CTNNBL1: variants seen among roughly 807,000 people sequenced by gnomAD.
CTNNBL1 encodes the protein beta-catenin-like protein 1.
Under a neutral mutation model 72.7 loss-of-function variants are expected in CTNNBL1, and 31 were observed. The observed-to-expected ratio is 0.43, with a 90% CI of 0.32 to 0.58. The LOEUF (loss-of-function observed/expected upper bound fraction) is 0.58. CTNNBL1 is among the 20% of genes least tolerant of loss of function. The pLI is 0.08. For missense variants in CTNNBL1, 534 were observed against 725.1 expected, an observed-to-expected ratio of 0.74 and a Z score of 3.03; for synonymous variants, 240 against 267.3, an observed-to-expected ratio of 0.90 and a Z score of 1.00.
chr20:37,798,793 T>C (rs1376797869), intron 10 of CTNNBL1, among the ~76,000 whole-genome samples: 3 of 152,242 alleles, frequency 2.0e-5, no homozygotes, highest in Admixed American at 2.0e-4. Context: ...TTTGAGCGTA[T>C]GCTGAATGGT....
At chr20:37,725,426 A>G (rs796490880) in intron 1 of CTNNBL1, among the ~76,000 whole-genome samples, 1 of 151,578 alleles carries the variant, frequency 6.6e-6, no homozygotes, top group South Asian at 2.1e-4. Flanking sequence ...GCTCCCCAGT[A>G]GCTGGGATTA....
At chr20:37,801,819 G>C (rs2073825855) in intron 10 of CTNNBL1, among the ~76,000 whole-genome samples, 1 of 152,150 alleles carries the variant, frequency 6.6e-6, no homozygotes, top group African/African-American at 2.4e-5. Context: ...TCTCATCACT[G>C]CTATTGGGCA....
Position 37,765,283 on chromosome 20 carries a change from C to A in CTNNBL1, c.651C>A (p.Asn217Lys). Residue 217 changes from asparagine (N) to lysine (K), a missense_variant, in exon 6 of 16, where the codon AAC (asparagine) becomes AAA (lysine). Coordinates refer to ENST00000361383, the MANE Select transcript of CTNNBL1 (RefSeq NM_030877.5). ...SVKEEADGVHNTLAIVENMAE... is the reference protein window; with the variant it reads ...SVKEEADGVHKTLAIVENMAE... ...AAGAGGAGGCAGATGGCGTCCACAA[C>A]ACTCTGGGTGAGAGGAAGGGTGCTT... The A allele has an allele frequency of 1.3e-6, 2 of 1,548,692 alleles. No individual in the cohort carries two copies. Among genetic ancestry groups the A allele is most frequent in the Non-Finnish European group, 1.7e-6 (2 of 1,144,264 alleles).
At chr20:37,740,938 A>G (rs2073210442) in intron 3 of CTNNBL1, among the ~76,000 whole-genome samples, 1 of 152,228 alleles carries the variant, frequency 6.6e-6, no homozygotes, top group African/African-American at 2.4e-5. Flanking sequence ...TGGAGGGAGC[A>G]TCATGTTCCC....
chr20:37,797,717 C>T (rs919963637), intron 10 of CTNNBL1, among the ~76,000 whole-genome samples: 1 of 152,214 alleles, frequency 6.6e-6, no homozygotes, highest in East Asian at 1.9e-4. Context: ...CCTTCTGCTC[C>T]CCCATCCCTG....
chr20:37,814,564 T>A (rs2072038153), intron 11 of CTNNBL1, among the ~76,000 whole-genome samples: 1 of 152,166 alleles, frequency 6.6e-6, no homozygotes, highest in Admixed American at 6.5e-5. Context: ...CTCTCTGTTG[T>A]CCCCCTCTTG....
At chr20:37,710,813 A>C (rs2072930913) in intron 1 of CTNNBL1, among the ~76,000 whole-genome samples, 1 of 152,038 alleles carries the variant, frequency 6.6e-6, no homozygotes, top group Admixed American at 6.6e-5. Flanking sequence ...CGTGAAATCT[A>C]ATTATATCGA....
chr20:37,824,239 A>G (rs2072138112), intron 11 of CTNNBL1, among the ~76,000 whole-genome samples: 1 of 152,244 alleles, frequency 6.6e-6, no homozygotes, highest in South Asian at 2.1e-4. Flanking sequence ...ATGTGAGTTA[A>G]TAAGAAAAAA....
chr20:37,866,040 A>G (rs1041689890), intron 15 of CTNNBL1, among the ~76,000 whole-genome samples: 18 of 152,238 alleles, frequency 1.2e-4, no homozygotes, highest in African/African-American at 4.3e-4. Context: ...TTATCTTTGG[A>G]TGACATGTTG....
At chr20:37,703,275 A>G (rs1243115709) in intron 1 of CTNNBL1, among the ~76,000 whole-genome samples, 1 of 152,202 alleles carries the variant, frequency 6.6e-6, no homozygotes, top group Non-Finnish European at 1.5e-5. Context: ...TTCACATGCC[A>G]TCAGAGATGT....
At chr20:37,845,744 A>G (rs931668584) in intron 13 of CTNNBL1, among the ~76,000 whole-genome samples, 7 of 152,148 alleles carry the variant, frequency 4.6e-5, no homozygotes, top group Non-Finnish European at 8.8e-5. Context: ...TGAATGTCCT[A>G]CACCAATTGG....
chr20:37,750,460 G>A (rs1041925481), intron 4 of CTNNBL1: 2 of 152,174 alleles, frequency 1.3e-5, no homozygotes, highest in Non-Finnish European at 2.9e-5. Context: ...TTCATTAAAC[G>A]TGTTTAGAGC....
chr20:37,787,672 A>G (rs1439138901), intron 10 of CTNNBL1, among the ~76,000 whole-genome samples: 1 of 152,144 alleles, frequency 6.6e-6, no homozygotes, highest in African/African-American at 2.4e-5. Context: ...TCCAGCGTGA[A>G]AGTTTGTCTT....
intron 11 of CTNNBL1, among the ~76,000 whole-genome samples, chr20:37,838,149 C>G (rs561311800): frequency 1.3e-5 from 2 of 152,160 alleles, no homozygotes; most frequent in African/African-American, 4.8e-5. Flanking sequence ...GCAGAAGCCC[C>G]GAGGCAGGAA....
chr20:37,783,722 C>T (rs1217548846), intron 10 of CTNNBL1, among the ~76,000 whole-genome samples: 1 of 152,134 alleles, frequency 6.6e-6, no homozygotes, highest in East Asian at 1.9e-4. Context: ...AGAGAAGATA[C>T]TTGACAGAAT....
intron 3 of CTNNBL1, 83 bp from the exon 4 acceptor site, chr20:37,746,385 C>G: frequency 6.8e-7 from 1 of 1,473,642 alleles, no homozygotes; most frequent in Non-Finnish European, 9.3e-7. Context: ...GACAGATTGC[C>G]TTGTTGTCTA....
At chr20:37,742,885 C>T (rs1041015284) in intron 3 of CTNNBL1, among the ~76,000 whole-genome samples, 4 of 152,128 alleles carry the variant, frequency 2.6e-5, no homozygotes, top group Admixed American at 1.3e-4. Context: ...CTCACTGCAA[C>T]CTCCACCTCC....
chr20:37,718,154 G>C (rs1371622037), intron 1 of CTNNBL1, among the ~76,000 whole-genome samples: 1 of 151,416 alleles, frequency 6.6e-6, no homozygotes, highest in Non-Finnish European at 1.5e-5. Flanking sequence ...TGGCTGGGCA[G>C]AGGGGCTCCT....
chr20:37,723,687 T>C (rs2122582157), intron 1 of CTNNBL1, among the ~76,000 whole-genome samples: 1 of 152,324 alleles, frequency 6.6e-6, no homozygotes, highest in East Asian at 1.9e-4. Flanking sequence ...GGTATAGCAA[T>C]TTATAGTTTA....
Sources: allele counts gnomAD v4.1 joint callset (sites outside exome capture counted in the v4.1 genomes callset), GRCh38; gene constraint gnomAD v4.1.1; transcripts MANE v1.5; gene names NCBI Gene and HGNC (gene_info 2026-07-23, HGNC 2026-07-21).